The following TSPAN12 variants were observed in gnomAD, a reference collection of about 807,000 sequenced individuals.
TSPAN12 encodes tetraspanin-12.
TSPAN12 carries 19 observed loss-of-function variants against 39.2 expected under a neutral mutation model. The observed-to-expected ratio is 0.49, with a 90% CI of 0.34 to 0.71. The LOEUF is 0.71. Ranked by LOEUF, TSPAN12 falls within the 30% of genes least tolerant of loss-of-function variation. The pLI, the probability that TSPAN12 is intolerant of heterozygous loss-of-function variation, is 0.01. For missense variants in TSPAN12, 314 were observed against 359.9 expected (o/e 0.87, Z 1.03); for synonymous variants, 119 against 124.8 (o/e 0.95, Z 0.31).
At chr7:120,810,309 G>C (rs1793953180) in intron 6 of TSPAN12, among the ~76,000 whole-genome samples, 154 bp downstream of exon 6, 1 of 152,114 alleles carries the variant, frequency 6.6e-6, no homozygotes, top group Non-Finnish European at 1.5e-5. Context: ...AGTTACCTAA[G>C]ATATTTTTCA....
intron 2 of TSPAN12, among the ~76,000 whole-genome samples, chr7:120,853,691 G>A (rs1794813973): frequency 1.3e-5 from 2 of 150,740 alleles, no homozygotes; most frequent in South Asian, 2.1e-4. Flanking sequence ...TGGCCAATAT[G>A]ATGAAACCCC....
intron 2 of TSPAN12, among the ~76,000 whole-genome samples, chr7:120,853,336 C>A (rs976703815): frequency 1.3e-5 from 2 of 151,664 alleles, no homozygotes; most frequent in Non-Finnish European, 2.9e-5. Context: ...TCATTAACCA[C>A]CTGCCTTGGC....
At chr7:120,853,279 A>C (rs934648084) in intron 2 of TSPAN12, among the ~76,000 whole-genome samples, 5 of 151,616 alleles carry the variant, frequency 3.3e-5, no homozygotes, top group Non-Finnish European at 7.4e-5. Context: ...TTTTTAGTAG[A>C]GACAGGGTTT....
chr7:120,840,100 T>A lies in TSPAN12; in HGVS notation c.76A>T (p.Ile26Phe). The change falls in exon 3 of 8, where the codon ATC (isoleucine) becomes TTC (phenylalanine). Residue 26 changes from isoleucine to phenylalanine, a missense_variant. Coordinates refer to ENST00000222747, the MANE Select transcript of TSPAN12 (RefSeq NM_012338.4). ...CAAGCAGAAACTGCCAACACACTGATGGACATTAACTGGGGAGAAAAAAGT... is the reference window on the plus strand; with the variant it reads ...CAAGCAGAAACTGCCAACACACTGAAGGACATTAACTGGGGAGAAAAAAGT... ...ALNLLFWLMSISVLAVSAWMR... is the reference protein window; with the variant it reads ...ALNLLFWLMSFSVLAVSAWMR... The A allele has an allele frequency of 6.2e-7, 1 of 1,613,540 alleles. No individual in the cohort carries two copies. The highest frequency in any genetic ancestry group is 8.5e-7 in the Non-Finnish European group (1 of 1,179,568).
In TSPAN12 at chr7:120,840,032, T is replaced by C. The variant is rs1562951340; in HGVS notation, c.144A>G (p.Glu48=). ...TCAATAATTATAAAGTATACCTCGT[T>C]TCTGCAGTTAAAGTGAGAACATTAT... ...YLNNVLTLTA[E]TRVEEAVILT... The change falls in exon 3 of 8, where the codon GAA becomes GAG. Residue 48 remains glutamate (E), a synonymous_variant. Transcript: ENST00000222747. The C allele has an allele frequency of 1.2e-6, 2 of 1,611,120 alleles. No homozygotes were observed.
At chr7:120,790,212 A>T (rs551589087) in intron 7 of TSPAN12, among the ~76,000 whole-genome samples, 1 of 152,152 alleles carries the variant, frequency 6.6e-6, no homozygotes, top group African/African-American at 2.4e-5. Context: ...TTGGCCTAAG[A>T]CAACTAACCT....
chr7:120,849,953 G>A lies in TSPAN12; in HGVS notation c.66+6745C>T, dbSNP rs1299468808. Reference sequence around the variant, plus strand: ...TTGATTATTTGGAGGCTGGTCACACGAGGTGAGTCACACGTGTGTTTCATG... The same window carrying A: ...TTGATTATTTGGAGGCTGGTCACACAAGGTGAGTCACACGTGTGTTTCATG... On this transcript the variant is annotated intron_variant, in intron 2 of 7. Coordinates refer to ENST00000222747, the MANE Select transcript of TSPAN12 (RefSeq NM_012338.4). Among the ~76,000 whole-genome samples the A allele has an allele frequency of 3.9e-5, 6 of 152,146 alleles. No individual in the cohort carries two copies. In the East Asian group the frequency reaches 5.8e-4, roughly 15 times the overall value.
rs1256477301 is a variant in TSPAN12 at position 120,838,888 on chromosome 7, A to G, written c.174T>C (p.Thr58=). 1 of 1,614,056 alleles carries G rather than the reference A, an allele frequency of 6.2e-7. No individual in the cohort carries two copies. The highest frequency in any genetic ancestry group is 1.7e-5 in the Admixed American group (1 of 60,028). Residue 58 remains threonine, a synonymous_variant, in exon 4 of 8, where the codon ACT becomes ACC. Transcript: ENST00000222747. ...TGACCGGATGAACCACAGGAAAGTA[A>G]GTCAAAATGACTGCTTCCTCTACCC... is the stretch of plus-strand genomic sequence containing the variant. ...ETRVEEAVIL[T]YFPVVHPVMI...
At chr7:120,855,093 C>CT (rs1794846282) in intron 2 of TSPAN12, among the ~76,000 whole-genome samples, 2 of 152,076 alleles carry the variant, frequency 1.3e-5, no homozygotes, top group Non-Finnish European at 2.9e-5. Context: ...TGATTTGGTT[C>CT]TTTTTTCCCA....
In TSPAN12 at chr7:120,810,467, C is replaced by A; in HGVS notation, c.464G>T (p.Arg155Ile). 1 of 1,605,444 alleles carries A rather than the reference C, an allele frequency of 6.2e-7. No individual in the cohort carries two copies. Among genetic ancestry groups the A allele is most frequent in the Non-Finnish European group, 8.5e-7 (1 of 1,172,246 alleles). Residue 155 changes from arginine (R) to isoleucine (I), a missense_variant, in exon 6 of 8, where the codon AGA becomes ATA. By Grantham distance (97) the Arg-to-Ile change is moderately conservative. Coordinates refer to ENST00000222747, the MANE Select transcript of TSPAN12 (RefSeq NM_012338.4). Reference protein sequence around the residue: ...WLTHAWNFFQREFKCCGVVYF... With the variant: ...WLTHAWNFFQIEFKCCGVVYF... ...CTCAGAAATTGTAGCACTTACCTCT[C>A]TCTGAAAAAAATTCCAAGCATGAGT...
At chr7:120,814,120 G>A (rs1039231795) in intron 5 of TSPAN12, 1 of 447,004 alleles carries the variant, frequency 2.2e-6, no homozygotes, top group Non-Finnish European at 4.5e-6. Context: ...CTAGTCTGTG[G>A]TTACTACTTA....
chr7:120,815,642 G>A lies in TSPAN12; in HGVS notation c.360+87C>T, dbSNP rs1794064577. The A allele has an allele frequency of 2.5e-6, 3 of 1,194,174 alleles. No individual in the cohort carries two copies. In the South Asian group the frequency reaches 3.9e-5, roughly 15 times the overall value. 74.0% of individuals were successfully genotyped at this position (1,194,174 alleles called of 1,614,324 possible). ...CCCAGTCTTGGGCAGTTCTTTCATA[G>A]CGGAGTGAAAATGAACTAACACAAG... is the stretch of plus-strand genomic sequence containing the variant. On this transcript the variant is annotated intron_variant, in intron 5 of 7. Coordinates refer to ENST00000222747, the MANE Select transcript of TSPAN12 (RefSeq NM_012338.4).
chr7:120,832,447 T>C (rs1794406188), intron 4 of TSPAN12, among the ~76,000 whole-genome samples: 1 of 152,072 alleles, frequency 6.6e-6, no homozygotes, highest in South Asian at 2.1e-4. Flanking sequence ...ACCCTGTCCC[T>C]TCACTCCTCA....
intron 7 of TSPAN12, among the ~76,000 whole-genome samples, chr7:120,799,816 ATT>A (rs1279947064): frequency 7.3e-6 from 1 of 137,456 alleles, no homozygotes; most frequent in African/African-American, 2.7e-5. Context: ...TATTATATTT[ATT>A]TTAATATATT....
At chr7:120,816,161 G>A (rs1365127252) in intron 4 of TSPAN12, among the ~76,000 whole-genome samples, 1 of 152,126 alleles carries the variant, frequency 6.6e-6, no homozygotes, top group South Asian at 2.1e-4. Flanking sequence ...AAGTCAACAA[G>A]TTCAATGCTC....
intron 2 of TSPAN12, among the ~76,000 whole-genome samples, chr7:120,854,739 A>G (rs1794837577): frequency 6.6e-6 from 1 of 152,218 alleles, no homozygotes; most frequent in Non-Finnish European, 1.5e-5. Context: ...AGCATTGTGT[A>G]TCTGTTGTGG....
intron 2 of TSPAN12, among the ~76,000 whole-genome samples, chr7:120,854,399 A>G (rs971480759): frequency 3.3e-5 from 5 of 152,246 alleles, no homozygotes; most frequent in African/African-American, 9.6e-5. Flanking sequence ...TAGTAGTTAT[A>G]GTAATAACTG....
chr7:120,847,861 A>G (rs1344408833), intron 2 of TSPAN12, among the ~76,000 whole-genome samples: 3 of 152,092 alleles, frequency 2.0e-5, no homozygotes, highest in Non-Finnish European at 4.4e-5. Context: ...TTCAACTACC[A>G]TTTATTTCGT....
At position 120,813,692 on chromosome 7, in the gene TSPAN12, C is replaced by A. The variant is rs886102691; in HGVS notation, c.360+2037G>T. Among the ~76,000 whole-genome samples, 4 of 152,032 alleles carry A rather than the reference C, an allele frequency of 2.6e-5. No homozygotes were observed. In the South Asian group the frequency reaches 8.3e-4, roughly 32 times the overall value. ...CAATAAAAAGCTGAGGTAACAGGAT[C>A]CAGAACTAATGATAAGATGTACTCT... On this transcript the variant is annotated intron_variant, in intron 5 of 7. Transcript: ENST00000222747.
Sources: allele counts gnomAD v4.1 joint callset (sites outside exome capture counted in the v4.1 genomes callset), GRCh38; gene constraint gnomAD v4.1.1; transcripts MANE v1.5; gene names NCBI Gene and HGNC (gene_info 2026-07-23, HGNC 2026-07-21).